The following CD44 variants were observed in gnomAD, a reference collection of about 807,000 sequenced individuals.
CD44 encodes CD44 molecule (IN blood group).
CD44 carries 49 observed loss-of-function variants against 88.8 expected under a neutral mutation model. The observed-to-expected ratio is 0.55, with a 90% CI of 0.44 to 0.70. The LOEUF (loss-of-function observed/expected upper bound fraction) is 0.70, where lower values mean the gene tolerates loss of function less well. Ranked by LOEUF, CD44 falls within the 30% of genes least tolerant of loss-of-function variation. The probability of loss-of-function intolerance (pLI) is 0.00; values close to 1 mark genes in which losing one functional copy is unlikely to be tolerated. For synonymous variants in CD44, 325 were observed against 312.3 expected (o/e 1.04, Z -0.43); for missense variants, 883 against 913.8 (o/e 0.97, Z 0.43).
At chr11:35,183,030 T>C (rs555052539) in intron 3 of CD44, among the ~76,000 whole-genome samples, 2 of 152,294 alleles carry the variant, frequency 1.3e-5, no homozygotes, top group South Asian at 4.1e-4. Flanking sequence ...AGCAAGAGCA[T>C]TGATTAATTT....
At chr11:35,141,482 G>A (rs1350764327) in intron 1 of CD44, among the ~76,000 whole-genome samples, 1 of 152,132 alleles carries the variant, frequency 6.6e-6, no homozygotes, top group African/African-American at 2.4e-5. Context: ...AGAGGGCCCT[G>A]GTGGTTTCCC....
intron 1 of CD44, among the ~76,000 whole-genome samples, chr11:35,165,413 G>A (rs1943144536): frequency 6.6e-6 from 1 of 152,188 alleles, no homozygotes; most frequent in African/African-American, 2.4e-5. Context: ...ATGTCCATTA[G>A]TTTCTTCACC....
At chr11:35,153,250 C>T (rs558418360) in intron 1 of CD44, among the ~76,000 whole-genome samples, 10 of 152,168 alleles carry the variant, frequency 6.6e-5, no homozygotes, top group African/African-American at 2.4e-4. Flanking sequence ...CTGATCAGGA[C>T]AAGAAGACTT....
intron 1 of CD44, among the ~76,000 whole-genome samples, chr11:35,145,929 G>T (rs1327664622): frequency 4.6e-5 from 7 of 152,168 alleles, no homozygotes; most frequent in African/African-American, 1.7e-4. Flanking sequence ...AATGGCAAAC[G>T]GTGTCTCCTC....
intron 14 of CD44, chr11:35,213,547 G>C (rs1948582684): frequency 6.6e-6 from 1 of 152,236 alleles, no homozygotes; most frequent in Admixed American, 6.5e-5. Context: ...ACCTACTCAG[G>C]AGACTAAGGC....
Position 35,221,676 on chromosome 11 carries a change from C to T in CD44, c.1968C>T (p.Ser656=), listed in dbSNP as rs1374069563. The change falls in exon 17 of 18, where the codon TCC becomes TCT. Residue 656 remains serine, a synonymous_variant. Coordinates refer to ENST00000428726, the MANE Select transcript of CD44 (RefSeq NM_000610.4). ...CAGAATGGCTGATCATCTTGGCATC[C>T]CTCTTGGCCTTGGCTTTGATTCTTG... ...QIPEWLIILA[S]LLALALILAV... 2 of 1,614,040 alleles carry T rather than the reference C, an allele frequency of 1.2e-6. No homozygotes were observed. The highest frequency in any genetic ancestry group is 1.1e-5 in the South Asian group (1 of 91,084).
At chr11:35,148,253 G>T (rs2133105777) in intron 1 of CD44, among the ~76,000 whole-genome samples, 1 of 152,274 alleles carries the variant, frequency 6.6e-6, no homozygotes, top group Middle Eastern at 3.4e-3. Context: ...TGTTGCCTCT[G>T]CTGAGTATCC....
At chr11:35,143,901 A>G (rs990974487) in intron 1 of CD44, among the ~76,000 whole-genome samples, 3 of 152,234 alleles carry the variant, frequency 2.0e-5, no homozygotes, top group African/African-American at 7.2e-5. Flanking sequence ...AAGTTAGGGC[A>G]ATGCCCTCTG....
chr11:35,139,495 A>T, intron 1 of CD44, 125 bp downstream of exon 1: 1 of 848,678 alleles, frequency 1.2e-6, no homozygotes, highest in Middle Eastern at 2.2e-4. Context: ...TGCGAAGTGC[A>T]TTGGGCTCCG....
intron 9 of CD44, among the ~76,000 whole-genome samples, chr11:35,203,033 G>A (rs1947461426): frequency 6.6e-6 from 1 of 152,154 alleles, no homozygotes; most frequent in Non-Finnish European, 1.5e-5. Context: ...TAGAGGGTTG[G>A]TGAAAATTCA....
intron 9 of CD44, among the ~76,000 whole-genome samples, chr11:35,202,106 C>T (rs567733783): frequency 5.2e-4 from 79 of 152,192 alleles, no homozygotes; most frequent in African/African-American, 1.8e-3. Flanking sequence ...AGAGTGTGTT[C>T]TTTTGGTGCT....
intron 1 of CD44, among the ~76,000 whole-genome samples, chr11:35,151,908 A>G (rs1860396747): frequency 6.6e-6 from 1 of 152,228 alleles, no homozygotes; most frequent in Non-Finnish European, 1.5e-5. Context: ...TGGGAGCCAG[A>G]TATTTCCTGT....
chr11:35,220,406 A>T (rs1404064609), intron 16 of CD44, among the ~76,000 whole-genome samples: 1 of 152,128 alleles, frequency 6.6e-6, no homozygotes, highest in Non-Finnish European at 1.5e-5. Flanking sequence ...CCCTCTCCAA[A>T]CTCATCTAAA....
At chr11:35,166,249 G>T (rs1274663422) in intron 1 of CD44, among the ~76,000 whole-genome samples, 1 of 152,252 alleles carries the variant, frequency 6.6e-6, no homozygotes, top group Non-Finnish European at 1.5e-5. Flanking sequence ...ACACACAGGG[G>T]TGGGTACTGT....
At chr11:35,228,123 A>G (rs12419062) in intron 17 of CD44, among the ~76,000 whole-genome samples, 67,566 of 152,006 alleles carry the variant, frequency 0.44, 16,693 homozygotes, top group African/African-American at 0.66. Context: ...TAGTAGTGAT[A>G]TGTTACAGGA....
At chr11:35,201,216 A>C (rs747729988) in intron 8 of CD44, 21 bp downstream of exon 8, 1 of 1,537,916 alleles carries the variant, frequency 6.5e-7, no homozygotes, top group South Asian at 1.1e-5. Context: ...CTGCATATTT[A>C]ATGAAAGATT....
chr11:35,151,125 G>A (rs1860238794), intron 1 of CD44, among the ~76,000 whole-genome samples: 1 of 152,194 alleles, frequency 6.6e-6, no homozygotes, highest in Non-Finnish European at 1.5e-5. Flanking sequence ...AGAGAGAGGG[G>A]AGAGGAGAGA....
Position 35,210,080 on chromosome 11 carries a change from T to C in CD44, c.1606+26T>C, listed in dbSNP as rs7130549. 9.2e-3 allele frequency: 12,489 copies of C among 1,354,438 alleles called. 918 individuals carry two copies. In the African/African-American group the frequency reaches 0.16, roughly 17 times the overall value. 83.9% of individuals were successfully genotyped at this position (1,354,438 alleles called of 1,614,324 possible). On this transcript the variant is annotated intron_variant, in intron 13 of 17. Transcript: ENST00000428726. ...GTAAGGATTATAAAACCTAGTTGGC[T>C]TCAGCTATTGATAAGAATCAATCAA...
intron 13 of CD44, chr11:35,210,810 A>G (rs868354359): frequency 3.5e-5 from 6 of 172,682 alleles, no homozygotes; most frequent in Admixed American, 1.1e-4. Flanking sequence ...TAGTAGCCTC[A>G]GGCCTTTGAA....
Sources: allele counts gnomAD v4.1 joint callset (sites outside exome capture counted in the v4.1 genomes callset), GRCh38; gene constraint gnomAD v4.1.1; transcripts MANE v1.5; gene names NCBI Gene and HGNC (gene_info 2026-07-23, HGNC 2026-07-21).